IMPG2: variants seen among roughly 807,000 people sequenced by gnomAD.
IMPG2 encodes IPM 200.
IMPG2 carries 91 observed loss-of-function variants against 129.2 expected under a neutral mutation model. The observed-to-expected ratio is 0.70, with a 90% CI of 0.59 to 0.84. The LOEUF (loss-of-function observed/expected upper bound fraction) is 0.84. IMPG2 is among the 40% of genes least tolerant of loss of function. The pLI, the probability that IMPG2 is intolerant of heterozygous loss-of-function variation, is 0.00. For missense variants in IMPG2, 1,430 were observed against 1,461.7 expected (o/e 0.98, Z 0.35); for synonymous variants, 510 against 517.7 (o/e 0.99, Z 0.20).
Position 101,242,824 on chromosome 3 carries a change from G to C in IMPG2, c.2886C>G (p.Asn962Lys). 1 of 1,614,044 alleles carries C rather than the reference G, an allele frequency of 6.2e-7. No individual in the cohort carries two copies. Among genetic ancestry groups the C allele is most frequent in the Non-Finnish European group, 8.5e-7 (1 of 1,179,944 alleles). Reference sequence around the variant, plus strand: ...CAGAATTGGCAAACTTCATTCGACTGTTCACCACAATGCTGCCATTTCTGA... The same window carrying C: ...CAGAATTGGCAAACTTCATTCGACTCTTCACCACAATGCTGCCATTTCTGA... ...LNFRNGSIVV[N>K]SRMKFANSVP... The change falls in exon 14 of 19, where the codon AAC becomes AAG. Residue 962 changes from asparagine (N) to lysine (K), a missense_variant. Transcript: ENST00000193391.
At chr3:101,312,637 T>C (rs941100370) in intron 2 of IMPG2, among the ~76,000 whole-genome samples, 2 of 152,078 alleles carry the variant, frequency 1.3e-5, no homozygotes, top group Admixed American at 6.6e-5. Flanking sequence ...ATAAAGTTAC[T>C]ATATGACCCA....
chr3:101,237,631 C>T (rs1158241882), intron 14 of IMPG2, among the ~76,000 whole-genome samples: 3 of 152,158 alleles, frequency 2.0e-5, no homozygotes, highest in Non-Finnish European at 4.4e-5. Flanking sequence ...AGAAGCCTGA[C>T]TGTTAGAAGG....
chr3:101,270,724 C>T (rs1446208573), intron 7 of IMPG2, among the ~76,000 whole-genome samples: 2 of 151,912 alleles, frequency 1.3e-5, no homozygotes, highest in African/African-American at 2.4e-5. Flanking sequence ...GGCGTGAACC[C>T]GGGAGGCGGA....
chr3:101,276,123 T>G (rs373300660), intron 5 of IMPG2, among the ~76,000 whole-genome samples: 23 of 152,196 alleles, frequency 1.5e-4, no homozygotes, highest in African/African-American at 4.8e-4. Context: ...AATTGACAAG[T>G]GTTAAAACTG....
At chr3:101,287,886 C>A in intron 4 of IMPG2, among the ~76,000 whole-genome samples, 1 of 152,100 alleles carries the variant, frequency 6.6e-6, no homozygotes, top group East Asian at 1.9e-4. Flanking sequence ...CAAAAATTGA[C>A]AAGTGGGACT....
chr3:101,237,191 C>A (rs1001372117), intron 14 of IMPG2, among the ~76,000 whole-genome samples: 1 of 152,204 alleles, frequency 6.6e-6, no homozygotes, highest in Non-Finnish European at 1.5e-5. Flanking sequence ...GGCAGGGCAT[C>A]TCTGAAAGAA....
At chr3:101,265,346 C>T (rs1318095843) in intron 9 of IMPG2, among the ~76,000 whole-genome samples, 1 of 152,064 alleles carries the variant, frequency 6.6e-6, no homozygotes, top group African/African-American at 2.4e-5. Context: ...GCAATAAAAA[C>T]AGGCACACGG....
chr3:101,275,407 A>AGT (rs1249638405), intron 6 of IMPG2, among the ~76,000 whole-genome samples: 2 of 152,350 alleles, frequency 1.3e-5, no homozygotes, highest in African/African-American at 2.4e-5. Context: ...CACAAGAGGC[A>AGT]GTGGGCTTAC....
intron 16 of IMPG2, among the ~76,000 whole-genome samples, chr3:101,230,244 C>T (rs1249933513): frequency 6.6e-6 from 1 of 152,188 alleles, no homozygotes; most frequent in Non-Finnish European, 1.5e-5. Flanking sequence ...GTAGCTCTTA[C>T]AGACTTCAGA....
chr3:101,235,924 A>G (rs1406506005), intron 14 of IMPG2, among the ~76,000 whole-genome samples: 2 of 152,184 alleles, frequency 1.3e-5, no homozygotes, highest in Non-Finnish European at 2.9e-5. Context: ...GGGTCCTGGG[A>G]AAAAAGTTGG....
chr3:101,238,658 C>G (rs1472092442), intron 14 of IMPG2, among the ~76,000 whole-genome samples: 1 of 152,140 alleles, frequency 6.6e-6, no homozygotes, highest in African/African-American at 2.4e-5. Flanking sequence ...CCTTTACAGA[C>G]AAGCAAATGC....
chr3:101,315,034 A>G (rs1309416050), intron 2 of IMPG2, among the ~76,000 whole-genome samples: 3 of 152,132 alleles, frequency 2.0e-5, no homozygotes, highest in Non-Finnish European at 4.4e-5. Flanking sequence ...CAGCTGTGTT[A>G]TATCTTTTCT....
rs117394446 is a variant in IMPG2 at position 101,307,110 on chromosome 3, G to A, written c.335-2798C>T. On this transcript the variant is annotated intron_variant, in intron 2 of 18. Coordinates refer to ENST00000193391, the MANE Select transcript of IMPG2 (RefSeq NM_016247.4). ...GGAATATATACTTCACAAAGGAAGA[G>A]ATAAAAATAGCCAATGAGTATGTGA... is the stretch of plus-strand genomic sequence containing the variant. Among the ~76,000 whole-genome samples, 800 of 152,244 alleles carry A rather than the reference G, an allele frequency of 5.3e-3. 13 individuals are homozygous for A. The highest frequency in any genetic ancestry group is 0.031 in the East Asian group (159 of 5,172).
At chr3:101,238,578 G>A (rs903065608) in intron 14 of IMPG2, among the ~76,000 whole-genome samples, 12 of 152,178 alleles carry the variant, frequency 7.9e-5, no homozygotes, top group African/African-American at 2.9e-4. Context: ...CATTGTTAAA[G>A]AAAATAATTT....
At chr3:101,255,895 T>C (rs112427774) in intron 10 of IMPG2, among the ~76,000 whole-genome samples, 3,264 of 151,736 alleles carry the variant, frequency 0.022, 115 homozygotes, top group African/African-American at 0.075. Flanking sequence ...ATACTCTCAT[T>C]CACTGAAGAG....
In IMPG2 at chr3:101,306,178, T is replaced by A. The variant is rs1014014475; in HGVS notation, c.335-1866A>T. Among the ~76,000 whole-genome samples, 6 of 152,340 alleles carry A rather than the reference T, an allele frequency of 3.9e-5. No homozygotes were observed. In the South Asian group the frequency reaches 1.2e-3, roughly 32 times the overall value. On this transcript the variant is annotated intron_variant, in intron 2 of 18. Transcript: ENST00000193391. ...AGGATAAATAATTACTGCCTTATTATCTTATCTGTGAAAGTATTTTACAAA... is the reference window on the plus strand; with the variant it reads ...AGGATAAATAATTACTGCCTTATTAACTTATCTGTGAAAGTATTTTACAAA...
intron 16 of IMPG2, among the ~76,000 whole-genome samples, chr3:101,230,188 G>A (rs1706271002): frequency 6.6e-6 from 1 of 152,140 alleles, no homozygotes; most frequent in South Asian, 2.1e-4. Flanking sequence ...GGTGCTCCAG[G>A]ACTTAGCCAA....
chr3:101,228,021 C>T (rs115983684), intron 18 of IMPG2, among the ~76,000 whole-genome samples: 2,533 of 152,272 alleles, frequency 0.017, 67 homozygotes, highest in African/African-American at 0.058. Flanking sequence ...TGGCCCTCCA[C>T]GAACAAACAC....
intron 4 of IMPG2, among the ~76,000 whole-genome samples, chr3:101,288,956 A>G (rs1706975971): frequency 6.6e-6 from 1 of 152,218 alleles, no homozygotes; most frequent in East Asian, 1.9e-4. Context: ...CCAAAGCAAT[A>G]TAAACTGTAC....
Sources: gnomAD v4.1 joint callset for allele counts (sites outside exome capture counted in the v4.1 genomes callset) on GRCh38, gnomAD v4.1.1 for gene constraint, MANE v1.5 for transcripts, NCBI Gene and HGNC (gene_info 2026-07-23, HGNC 2026-07-21) for gene names.